Variants in MMP26 observed in about 807,000 individuals in gnomAD.
MMP26 encodes the protein matrix metalloproteinase-26.
MMP26 carries 33 observed loss-of-function variants against 31.0 expected under a neutral mutation model. That is an observed-to-expected ratio of 1.06 (90% CI 0.81 to 1.42). The LOEUF is 1.42. Ranked by LOEUF, MMP26 falls within the 40% of genes most tolerant of loss-of-function variation. MMP26 has a pLI of 0.00. For synonymous variants in MMP26, 122 were observed against 114.9 expected (o/e 1.06, Z -0.40); for missense variants, 347 against 316.1 (o/e 1.10, Z -0.74).
At chr11:4,821,443 A>G in intron 2 of MMP26, 2 of 1,613,792 alleles carry the variant, frequency 1.2e-6, no homozygotes, top group Non-Finnish European at 1.7e-6. Flanking sequence ...CAATAATACC[A>G]TTGCTGAGCC....
At chr11:4,937,430 T>A (rs1846140892) in intron 2 of MMP26, 1 of 152,364 alleles carries the variant, frequency 6.6e-6, no homozygotes. Flanking sequence ...ACGATGGGAT[T>A]CAACAGGGGT....
intron 3 of MMP26, among the ~76,000 whole-genome samples, chr11:4,989,013 T>A (rs1179755329): frequency 1.3e-5 from 2 of 152,212 alleles, no homozygotes; most frequent in African/African-American, 4.8e-5. Context: ...TAGATCAAGC[T>A]GTATCAGACA....
chr11:4,954,205 T>C (rs1223901363), intron 2 of MMP26, among the ~76,000 whole-genome samples: 1 of 72,510 alleles, frequency 1.4e-5, no homozygotes. Flanking sequence ...AATATTTTAC[T>C]GAAGAAATGC....
chr11:4,913,744 T>C (rs989432898), intron 2 of MMP26: 6 of 152,154 alleles, frequency 3.9e-5, no homozygotes, highest in Admixed American at 2.6e-4. Context: ...CTTCAGATAA[T>C]TCTCAGAATA....
At chr11:4,798,944 A>G (rs1402257417) in intron 2 of MMP26, among the ~76,000 whole-genome samples, 3 of 152,186 alleles carry the variant, frequency 2.0e-5, no homozygotes, top group South Asian at 2.1e-4. Context: ...GTTCTAAGTC[A>G]TGTTTGAAAA....
At chr11:4,825,144 A>C (rs2133475566) in intron 2 of MMP26, among the ~76,000 whole-genome samples, 2 of 152,248 alleles carry the variant, frequency 1.3e-5, no homozygotes, top group Middle Eastern at 6.8e-3. Flanking sequence ...GGTTTGTGTA[A>C]GGTCTCCAGA....
intron 2 of MMP26, among the ~76,000 whole-genome samples, chr11:4,819,397 A>AG (rs1040783168): frequency 8.6e-5 from 13 of 151,902 alleles, no homozygotes; most frequent in African/African-American, 3.1e-4. Context: ...TACCCGGGAG[A>AG]GGGGGGAAAG....
rs1217710062 is a variant in MMP26, at chr11:4,915,500, T to G, written c.-144-72568T>G. ...AGGTTCATGAAGTGAGCGCTCTGTT[T>G]TAATGATAAAAAGAATTGTGCAGTT... On this transcript the variant is annotated intron_variant, in intron 2 of 7. Coordinates refer to ENST00000380390, the MANE Select transcript of MMP26 (RefSeq NM_021801.5). The G allele has an allele frequency of 1.9e-6, 3 of 1,614,108 alleles. No homozygotes were observed. The Admixed American group carries it at 5.0e-5, about 27-fold the overall frequency.
intron 2 of MMP26, chr11:4,830,238 G>C (rs754231827): frequency 5.9e-5 from 9 of 152,108 alleles, no homozygotes; most frequent in Non-Finnish European, 1.2e-4. Flanking sequence ...CCATAAGCCT[G>C]GTAGGTGTTC....
intron 2 of MMP26, among the ~76,000 whole-genome samples, chr11:4,978,552 T>G (rs1307592456): frequency 6.6e-6 from 1 of 151,842 alleles, no homozygotes; most frequent in East Asian, 1.9e-4. Flanking sequence ...GTTCTCAGAG[T>G]GGGTAAATGG....
intron 1 of MMP26, among the ~76,000 whole-genome samples, chr11:4,731,588 G>A (rs577691393): frequency 2.0e-5 from 3 of 152,226 alleles, no homozygotes; most frequent in East Asian, 1.9e-4. Flanking sequence ...GTTTCTAGAC[G>A]ATAAGGAAAG....
intron 1 of MMP26, among the ~76,000 whole-genome samples, chr11:4,765,556 A>C (rs1218762943): frequency 6.6e-6 from 1 of 151,996 alleles, no homozygotes; most frequent in Non-Finnish European, 1.5e-5. Flanking sequence ...CCTCTTGTCT[A>C]CCCTTCAGAT....
chr11:4,958,274 AT>A (rs1846471400), intron 2 of MMP26, among the ~76,000 whole-genome samples: 1 of 152,182 alleles, frequency 6.6e-6, no homozygotes, highest in African/African-American at 2.4e-5. Flanking sequence ...TTTCGAAATA[AT>A]TCCTGCCGTT....
Position 4,775,420 on chromosome 11 carries a change from T to C in MMP26, c.-145+8079T>C, listed in dbSNP as rs192812908. The stretch of plus-strand genomic sequence containing the variant: ...AATGGGAGTTCATTCATTATTTGGC[T>C]CTCTTCTTGCCAGTTGTTGATGTAT... On this transcript the variant is annotated intron_variant, in intron 2 of 7. Transcript: ENST00000380390. Among the ~76,000 whole-genome samples, 30 of 152,342 alleles carry C rather than the reference T, an allele frequency of 2.0e-4. No homozygotes were observed. The East Asian group carries it at 5.6e-3, about 28-fold the overall frequency.
At chr11:4,739,664 A>G (rs1329908851) in intron 1 of MMP26, among the ~76,000 whole-genome samples, 4 of 151,996 alleles carry the variant, frequency 2.6e-5, no homozygotes, top group Non-Finnish European at 5.9e-5. Flanking sequence ...TCCAAATCTT[A>G]CTTTATGATA....
chr11:4,740,884 C>T (rs117620892), intron 1 of MMP26, among the ~76,000 whole-genome samples: 1,559 of 152,210 alleles, frequency 0.01, 9 homozygotes, highest in Non-Finnish European at 0.017. Flanking sequence ...TTCCAGTGGC[C>T]TAAAAGCATT....
intron 2 of MMP26, among the ~76,000 whole-genome samples, chr11:4,771,667 G>C (rs1449541157): frequency 6.6e-6 from 1 of 152,140 alleles, no homozygotes; most frequent in African/African-American, 2.4e-5. Context: ...TAAAAAATTA[G>C]ATGTGTCAAA....
chr11:4,793,037 T>G (rs767427446), intron 2 of MMP26, among the ~76,000 whole-genome samples: 8 of 152,204 alleles, frequency 5.3e-5, no homozygotes, highest in Non-Finnish European at 1.2e-4. Flanking sequence ...AAGTGACCTA[T>G]CTTACTGATA....
At chr11:4,755,031 A>C (rs1848489195) in intron 1 of MMP26, among the ~76,000 whole-genome samples, 1 of 151,980 alleles carries the variant, frequency 6.6e-6, no homozygotes, top group East Asian at 1.9e-4. Context: ...GAAATTGCCT[A>C]ATTCAGAAAT....
Sources: gnomAD v4.1 joint callset for allele counts (sites outside exome capture counted in the v4.1 genomes callset) on GRCh38, gnomAD v4.1.1 for gene constraint, MANE v1.5 for transcripts, NCBI Gene and HGNC (gene_info 2026-07-23, HGNC 2026-07-21) for gene names.